The following PTPRT variants were observed in gnomAD, a reference collection of about 807,000 sequenced individuals.
The protein encoded by PTPRT is protein tyrosine phosphatase receptor type T.
A neutral mutation model predicts 176.8 loss-of-function variants in PTPRT; 56 were observed. The ratio of observed to expected loss-of-function variants is 0.32; its 90% confidence interval spans 0.26 to 0.40. The LOEUF is 0.40. Ranked by LOEUF, PTPRT falls within the 10% of genes least tolerant of loss-of-function variation. PTPRT has a pLI of 1.00. For missense variants in PTPRT, 1,540 were observed against 1,908.2 expected, an observed-to-expected ratio of 0.81 and a Z score of 3.60; for synonymous variants, 783 against 739.0, an observed-to-expected ratio of 1.06 and a Z score of -0.96.
chr20:42,166,861 C>T (rs1461371553), intron 16 of PTPRT, among the ~76,000 whole-genome samples: 3 of 151,518 alleles, frequency 2.0e-5, no homozygotes, highest in Non-Finnish European at 4.4e-5. Flanking sequence ...GTGGAAGTTG[C>T]AGTGAGCCAA....
At chr20:42,464,167 C>G (rs1006541402) in intron 8 of PTPRT, among the ~76,000 whole-genome samples, 8 of 152,142 alleles carry the variant, frequency 5.3e-5, no homozygotes, top group Admixed American at 5.2e-4. Flanking sequence ...CCCATCTTCA[C>G]AAACAATACC....
chr20:42,644,729 T>C (rs2074848199), intron 7 of PTPRT, among the ~76,000 whole-genome samples: 1 of 152,094 alleles, frequency 6.6e-6, no homozygotes, highest in African/African-American at 2.4e-5. Flanking sequence ...AGGTAGGCTG[T>C]GAGTAAGGAG....
At chr20:43,007,069 A>G (rs527785096) in intron 1 of PTPRT, among the ~76,000 whole-genome samples, 1 of 152,348 alleles carries the variant, frequency 6.6e-6, no homozygotes, top group Non-Finnish European at 1.5e-5. Context: ...TAAAATCAAT[A>G]TAAAGAGAAG....
At chr20:43,058,909 T>G (rs1378921143) in intron 1 of PTPRT, among the ~76,000 whole-genome samples, 1 of 152,202 alleles carries the variant, frequency 6.6e-6, no homozygotes, top group African/African-American at 2.4e-5. Context: ...CAAGCTGCAC[T>G]GGGGCCCACT....
At chr20:42,810,396 C>T (rs2077682490) in intron 2 of PTPRT, among the ~76,000 whole-genome samples, 2 of 152,086 alleles carry the variant, frequency 1.3e-5, no homozygotes, top group Admixed American at 1.3e-4. Flanking sequence ...AGTCAAAGCC[C>T]CGGCCCACTT....
intron 14 of PTPRT, among the ~76,000 whole-genome samples, chr20:42,238,798 G>A (rs1444642129): frequency 6.6e-6 from 1 of 152,086 alleles, no homozygotes; most frequent in Non-Finnish European, 1.5e-5. Flanking sequence ...CAGCTTTCAG[G>A]AGTGGAAATA....
intron 1 of PTPRT, among the ~76,000 whole-genome samples, chr20:43,110,148 T>C (rs942456356): frequency 3.3e-5 from 5 of 152,070 alleles, no homozygotes; most frequent in Admixed American, 6.5e-5. Context: ...CCACTCATGA[T>C]GGAAGGTGAA....
intron 9 of PTPRT, among the ~76,000 whole-genome samples, chr20:42,431,506 T>C (rs2059215656): frequency 6.6e-6 from 1 of 152,192 alleles, no homozygotes; most frequent in Non-Finnish European, 1.5e-5. Flanking sequence ...AAAATTACAA[T>C]AGCAAATTTT....
intron 2 of PTPRT, among the ~76,000 whole-genome samples, chr20:42,853,998 CT>C (rs2078520360): frequency 6.6e-6 from 1 of 152,176 alleles, no homozygotes. Flanking sequence ...ACATATATGT[CT>C]AGATCTGTGT....
chr20:43,054,959 G>A (rs904400772), intron 1 of PTPRT, among the ~76,000 whole-genome samples: 3 of 152,122 alleles, frequency 2.0e-5, no homozygotes, highest in Admixed American at 2.0e-4. Flanking sequence ...AAAATGCAAA[G>A]GTGTTGTTCA....
intron 6 of PTPRT, among the ~76,000 whole-genome samples, chr20:42,719,435 C>G (rs1052856563): frequency 6.6e-6 from 1 of 152,116 alleles, no homozygotes; most frequent in Non-Finnish European, 1.5e-5. Flanking sequence ...TATGGAAGCC[C>G]AGTCCTGAGG....
intron 2 of PTPRT, among the ~76,000 whole-genome samples, chr20:42,820,024 A>G (rs112290518): frequency 6.6e-6 from 1 of 152,324 alleles, no homozygotes; most frequent in African/African-American, 2.4e-5. Flanking sequence ...CAGAAAATTA[A>G]CAAGGATATT....
At chr20:42,999,932 T>G (rs748915799) in intron 1 of PTPRT, among the ~76,000 whole-genome samples, 6 of 151,848 alleles carry the variant, frequency 4.0e-5, no homozygotes, top group Non-Finnish European at 5.9e-5. Context: ...GCGAAATAAT[T>G]TAGAACTTCA....
At chr20:42,681,272 G>C (rs897150103) in intron 6 of PTPRT, among the ~76,000 whole-genome samples, 1 of 152,182 alleles carries the variant, frequency 6.6e-6, no homozygotes, top group African/African-American at 2.4e-5. Context: ...TCAGCAGGGA[G>C]GAAAAGGAAA....
chr20:42,292,587 A>G (rs991990125), intron 12 of PTPRT, among the ~76,000 whole-genome samples: 3 of 152,218 alleles, frequency 2.0e-5, no homozygotes, highest in African/African-American at 7.2e-5. Flanking sequence ...GCTAAAATAC[A>G]AAGTAAACTT....
At chr20:42,588,758 G>C (rs2073516774) in intron 7 of PTPRT, among the ~76,000 whole-genome samples, 1 of 152,132 alleles carries the variant, frequency 6.6e-6, no homozygotes, top group Non-Finnish European at 1.5e-5. Flanking sequence ...CAGTTCATGG[G>C]TAATAAAGAC....
intron 1 of PTPRT, among the ~76,000 whole-genome samples, chr20:43,017,391 C>T (rs974397877): frequency 1.3e-5 from 2 of 152,044 alleles, no homozygotes; most frequent in Non-Finnish European, 2.9e-5. Flanking sequence ...TCTCTGCTTC[C>T]GCCCAATCGC....
At chr20:42,181,014 CAT>C (rs1444240035) in intron 16 of PTPRT, among the ~76,000 whole-genome samples, 2 of 152,216 alleles carry the variant, frequency 1.3e-5, no homozygotes, top group Non-Finnish European at 2.9e-5. Flanking sequence ...ATCATCAACT[CAT>C]AGGTTTTAAG....
At chr20:42,589,293 G>A (rs2073527990) in intron 7 of PTPRT, among the ~76,000 whole-genome samples, 1 of 152,110 alleles carries the variant, frequency 6.6e-6, no homozygotes, top group Admixed American at 6.6e-5. Flanking sequence ...ATCTTTATCT[G>A]GAGAATCAAA....
Sources: gnomAD v4.1 joint callset for allele counts (sites outside exome capture counted in the v4.1 genomes callset) on GRCh38, gnomAD v4.1.1 for gene constraint, MANE v1.5 for transcripts, NCBI Gene and HGNC (gene_info 2026-07-23, HGNC 2026-07-21) for gene names.